Variants in HEATR1 observed in about 807,000 individuals in gnomAD.
The protein encoded by HEATR1 is HEAT repeat containing 1, also known as HEAT repeat-containing protein 1.
HEATR1 carries 77 observed loss-of-function variants against 248.2 expected under a neutral mutation model. The observed-to-expected ratio is 0.31, with a 90% CI of 0.26 to 0.37. HEATR1 has a LOEUF of 0.37. Ranked by LOEUF, HEATR1 falls within the 10% of genes least tolerant of loss-of-function variation. HEATR1 has a pLI of 1.00. For synonymous variants in HEATR1, 897 were observed against 923.1 expected (o/e 0.97, Z 0.51); for missense variants, 2,420 against 2,504.9 (o/e 0.97, Z 0.72).
chr1:236,564,830 CG>C lies in HEATR1; in HGVS notation c.4436-170del, dbSNP rs576426560. Among the ~76,000 whole-genome samples the C allele has an allele frequency of 7.3e-3, 1,111 of 152,290 alleles. 5 individuals are homozygous for C. The highest frequency in any genetic ancestry group is 0.012 in the Non-Finnish European group (835 of 68,024). ...TCTCCTCTTCTAAATTAGTGAAAAA[CG>C]TGAGTGTATTTGCCAAGAAAGTACC... is the stretch of plus-strand genomic sequence containing the variant. On this transcript the variant is annotated intron_variant, in intron 31 of 44. Coordinates refer to ENST00000366582, the MANE Select transcript of HEATR1 (RefSeq NM_018072.6).
At chr1:236,601,873 G>C (rs1438358005) in intron 3 of HEATR1, among the ~76,000 whole-genome samples, 1 of 151,150 alleles carries the variant, frequency 6.6e-6, no homozygotes, top group African/African-American at 2.4e-5. Flanking sequence ...GGCTGTGGTG[G>C]CTCACACCAG....
chr1:236,554,524 G>C (rs1359015594), intron 42 of HEATR1, 74 bp downstream of exon 42: 15 of 1,297,580 alleles, frequency 1.2e-5, no homozygotes, highest in Non-Finnish European at 1.5e-5. Context: ...GCTGTCATTT[G>C]AGCAGATCTA....
Position 236,596,051 on chromosome 1 carries a change from AT to A in HEATR1, c.745-8del. ...GTAAAGATGATTTCAATCCCTAAAT[AT>A]TTTTTAAATATAAGGAAAAATGATA... On this transcript the variant is annotated splice_polypyrimidine_tract_variant and splice_region_variant and intron_variant, in intron 6 of 44. Coordinates refer to ENST00000366582, the MANE Select transcript of HEATR1 (RefSeq NM_018072.6). 1.3e-6 allele frequency: 2 copies of A among 1,570,296 alleles called. No individual in the cohort carries two copies. Among genetic ancestry groups the A allele is most frequent in the African/African-American group, 1.4e-5 (1 of 73,898 alleles).
rs1318737289 is a variant in HEATR1 at position 236,550,534 on chromosome 1, T to TA, written c.*367dup. On this transcript the variant is annotated 3_prime_UTR_variant, in exon 45 of 45. Transcript: ENST00000366582. ...CAACATGGATACCATGTATGTAAGATACTGCTGTACAGAAGAGTTAAGGCT... is the reference window on the plus strand; with the variant it reads ...CAACATGGATACCATGTATGTAAGATAACTGCTGTACAGAAGAGTTAAGGCT... The TA allele has an allele frequency of 3.3e-5, 6 of 181,356 alleles. No homozygotes were observed. Among genetic ancestry groups the TA allele is most frequent in the Admixed American group, 6.0e-5 (1 of 16,550 alleles). 11.2% of individuals were successfully genotyped at this position (181,356 alleles called of 1,614,324 possible).
chr1:236,555,779 A>C (rs992906800), intron 39 of HEATR1, 26 bp downstream of exon 39: 1 of 1,613,972 alleles, frequency 6.2e-7, no homozygotes, highest in African/African-American at 1.3e-5. Flanking sequence ...CAGCTTTAGG[A>C]TTTGGAGGAG....
rs558762339 is a variant in HEATR1, at chr1:236,574,243, T to A, written c.3418A>T (p.Asn1140Tyr). ...CTGACAGTCTGAGCACAATGTGAGT[T>A]TTTACAGTTCACCAATAAATCAAAC... ...MLFDLLVNCK[N>Y]SHCAQTVSSV... Residue 1140 changes from asparagine (N) to tyrosine (Y), a missense_variant, in exon 24 of 45, where the codon AAC (asparagine) becomes TAC (tyrosine). Physicochemically the swap from Asn to Tyr is moderately radical, Grantham distance 143 (BLOSUM62 -2). Transcript: ENST00000366582. The A allele has an allele frequency of 2.4e-5, 38 of 1,613,018 alleles. No individual in the cohort carries two copies. The South Asian group carries it at 3.9e-4, about 16-fold the overall frequency.
Position 236,568,207 on chromosome 1 carries a change from T to C in HEATR1, c.4077+789A>G, listed in dbSNP as rs188546904. Among the ~76,000 whole-genome samples the C allele has an allele frequency of 2.1e-3, 327 of 152,348 alleles. 3 individuals carry two copies. The highest frequency in any genetic ancestry group is 4.1e-4 in the South Asian group (2 of 4,822). On this transcript the variant is annotated intron_variant, in intron 29 of 44. Transcript: ENST00000366582. The stretch of plus-strand genomic sequence containing the variant: ...AACTTTCTGGTCATCCTGGCCCATA[T>C]AGACTTTCCCCTATTCTGAACTCTT...
At chr1:236,601,360 C>G (rs1396803657) in intron 3 of HEATR1, among the ~76,000 whole-genome samples, 1 of 152,022 alleles carries the variant, frequency 6.6e-6, no homozygotes, top group Non-Finnish European at 1.5e-5. Context: ...AATTCTCCTG[C>G]CTCAGCCTCC....
At chr1:236,573,744 A>G (rs1350642162) in intron 24 of HEATR1, among the ~76,000 whole-genome samples, 1 of 152,172 alleles carries the variant, frequency 6.6e-6, no homozygotes, top group Non-Finnish European at 1.5e-5. Context: ...TATATTCAAA[A>G]AAGAGAATAA....
At chr1:236,581,155 C>A in intron 20 of HEATR1, 67 bp downstream of exon 20, 1 of 1,358,800 alleles carries the variant, frequency 7.4e-7, no homozygotes, top group Non-Finnish European at 1.0e-6. Flanking sequence ...TTCCAAACTA[C>A]ATAAACCATA....
At position 236,596,544 on chromosome 1, in the gene HEATR1, ACTGT is replaced by A. The variant is rs536225454; in HGVS notation, c.744+288_744+291del. Among the ~76,000 whole-genome samples, 21 of 152,300 alleles carry A rather than the reference ACTGT, an allele frequency of 1.4e-4. No individual in the cohort carries two copies. In the East Asian group the frequency reaches 4.1e-3, roughly 29 times the overall value. On this transcript the variant is annotated intron_variant, in intron 6 of 44. Transcript: ENST00000366582. Reference sequence around the variant, plus strand: ...GAGAGGTTGCTTACGCCTCAAAGAGACTGTCTGCTCCGTCCTCCTTCCAGTGAGG... The same window carrying A: ...GAGAGGTTGCTTACGCCTCAAAGAGACTGCTCCGTCCTCCTTCCAGTGAGG...
Position 236,585,828 on chromosome 1 carries a change from A to G in HEATR1, c.2041T>C (p.Leu681=), listed in dbSNP as rs41308194. The G allele has an allele frequency of 1.2e-6, 2 of 1,612,550 alleles. No individual in the cohort carries two copies. The highest frequency in any genetic ancestry group is 2.2e-5 in the East Asian group (1 of 44,768). Residue 681 remains leucine (L), a synonymous_variant, in exon 16 of 45, where the codon TTA becomes CTA. Transcript: ENST00000366582. ...TTTCAAAGCATACTTACCATCTTTA[A>G]CATTGAAGAAGGATCTCCTAAATTT... ...NINLGDPSSM[L]KMVEDLISVG...
intron 3 of HEATR1, among the ~76,000 whole-genome samples, chr1:236,600,256 A>T (rs1193070458): frequency 6.8e-6 from 1 of 146,618 alleles, no homozygotes; most frequent in African/African-American, 2.5e-5. Flanking sequence ...CCTCCCAAGT[A>T]GCTGGGACTA....
chr1:236,577,030 T>TATG, intron 20 of HEATR1, 81 bp from the exon 21 acceptor site: 1 of 1,107,162 alleles, frequency 9.0e-7, no homozygotes, highest in Non-Finnish European at 1.3e-6. Context: ...CCAAAGGTAC[T>TATG]TGATAAAAAG....
Position 236,592,105 on chromosome 1 carries a change from G to C in HEATR1, c.1310C>G (p.Pro437Arg). The change falls in exon 11 of 45, where the codon CCC (proline) becomes CGC (arginine). Residue 437 changes from proline (P) to arginine (R), a missense_variant. By Grantham distance (103) the Pro-to-Arg change is moderately radical (BLOSUM62 -2). Transcript: ENST00000366582. The part of the protein sequence containing the change: ...PLIRLLESKY[P>R]RTLDVVLEEH... ...CTCTAATACAACATCTAATGTTCTGGGGTATCTGGGAAGCAATTAAAAAGT... is the reference window on the plus strand; with the variant it reads ...CTCTAATACAACATCTAATGTTCTGCGGTATCTGGGAAGCAATTAAAAAGT... 1.3e-6 allele frequency: 2 copies of C among 1,527,908 alleles called. No homozygotes were observed. The highest frequency in any genetic ancestry group is 2.4e-5 in the South Asian group (2 of 83,552). The allele number at this position is 1,527,908 out of a possible 1,614,324, so 94.6% of individuals were successfully genotyped here.
intron 28 of HEATR1, 102 bp from the exon 29 acceptor site, chr1:236,569,226 A>G: frequency 1.1e-6 from 1 of 876,744 alleles, no homozygotes; most frequent in Non-Finnish European, 1.7e-6. Context: ...GCTGGGATGC[A>G]GTGCAGTTGT....
Position 236,557,111 on chromosome 1 carries a change from A to G in HEATR1, c.5355+84T>C, listed in dbSNP as rs76260526. On this transcript the variant is annotated intron_variant, in intron 37 of 44. Coordinates refer to ENST00000366582, the MANE Select transcript of HEATR1 (RefSeq NM_018072.6). ...TTCTGTCAAACGGAAACTAACCCTT[A>G]AAGAAAAAACAAAATCACTACATTT... 7,448 of 1,424,582 alleles carry G rather than the reference A, an allele frequency of 5.2e-3. 309 individuals carry two copies. The African/African-American group carries it at 0.091, about 17-fold the overall frequency. The allele number at this position is 1,424,582 out of a possible 1,614,324, so 88.2% of individuals were successfully genotyped here.
intron 17 of HEATR1, among the ~76,000 whole-genome samples, 167 bp downstream of exon 17, chr1:236,584,858 A>AGT (rs1480138153): frequency 6.6e-6 from 1 of 152,198 alleles, no homozygotes; most frequent in Non-Finnish European, 1.5e-5. Flanking sequence ...AAAGCAAGGG[A>AGT]GTGCCTAGTT....
rs1464809426 is a variant in HEATR1, at chr1:236,558,418, T to C, written c.5023A>G (p.Lys1675Glu). ...GCACCAAAATTCTTGCATAAAAGCTTTAAGGTATACAACGCTGTCTGTCTG... is the reference window on the plus strand; with the variant it reads ...GCACCAAAATTCTTGCATAAAAGCTCTAAGGTATACAACGCTGTCTGTCTG... ...INRQTALYTL[K>E]LLCKNFGAEN... Residue 1675 changes from lysine (K) to glutamate (E), a missense_variant, in exon 36 of 45, where the codon AAG becomes GAG. Coordinates refer to ENST00000366582, the MANE Select transcript of HEATR1 (RefSeq NM_018072.6). 1.2e-6 allele frequency: 2 copies of C among 1,614,196 alleles called. No individual in the cohort carries two copies. Among genetic ancestry groups the C allele is most frequent in the Admixed American group, 3.3e-5 (2 of 60,022 alleles).
Sources: allele counts gnomAD v4.1 joint callset (sites outside exome capture counted in the v4.1 genomes callset), GRCh38; gene constraint gnomAD v4.1.1; transcripts MANE v1.5; gene names NCBI Gene and HGNC (gene_info 2026-07-23, HGNC 2026-07-21).